Variants in ASXL1 observed in about 807,000 individuals in gnomAD.
ASXL1 encodes polycomb group protein ASXL1.
A neutral mutation model predicts 89.1 loss-of-function variants in ASXL1; 65 were observed. The ratio of observed to expected loss-of-function variants is 0.73; its 90% CI spans 0.60 to 0.90. The LOEUF is 0.90. Ranked by LOEUF, ASXL1 falls within the 40% of genes least tolerant of loss-of-function variation. The pLI is 0.00. For missense variants in ASXL1, 1,786 were observed against 1,942.9 expected (o/e 0.92, Z 1.52); for synonymous variants, 739 against 746.9 (o/e 0.99, Z 0.17).
chr20:32,375,067 G>A (rs980101650), intron 4 of ASXL1, among the ~76,000 whole-genome samples: 1 of 151,886 alleles, frequency 6.6e-6, no homozygotes, highest in African/African-American at 2.4e-5. Context: ...GGCTGGTCTC[G>A]AACTCCTGAC....
At chr20:32,397,501 GC>G (rs1462921977) in intron 4 of ASXL1, among the ~76,000 whole-genome samples, 2 of 147,308 alleles carry the variant, frequency 1.4e-5, no homozygotes, top group South Asian at 2.2e-4. Context: ...CCGGGTTCAA[GC>G]AGTTCTCCTG....
intron 1 of ASXL1, among the ~76,000 whole-genome samples, chr20:32,364,975 G>A (rs1040474726): frequency 5.9e-5 from 9 of 152,266 alleles, no homozygotes; most frequent in Middle Eastern, 3.4e-3. Context: ...TTGGGACTTG[G>A]CGGACAGATG....
chr20:32,395,496 T>A (rs569907951), intron 4 of ASXL1, among the ~76,000 whole-genome samples: 1 of 152,216 alleles, frequency 6.6e-6, no homozygotes, highest in African/African-American at 2.4e-5. Flanking sequence ...TGTTGTAGTT[T>A]GCGTCATATT....
chr20:32,411,737 C>T (rs2049052570), intron 4 of ASXL1, among the ~76,000 whole-genome samples: 2 of 151,752 alleles, frequency 1.3e-5, no homozygotes, highest in African/African-American at 4.8e-5. Context: ...GGGGTTTCAC[C>T]ATGTTGGCCA....
chr20:32,431,604 C>A lies in ASXL1; in HGVS notation c.904C>A (p.Arg302Ser), dbSNP rs1167333195. 1 of 1,614,080 alleles carries A rather than the reference C, an allele frequency of 6.2e-7. No individual in the cohort carries two copies. Among genetic ancestry groups the A allele is most frequent in the Non-Finnish European group, 8.5e-7 (1 of 1,180,024 alleles). The change falls in exon 10 of 13, where the codon CGT becomes AGT. Residue 302 changes from arginine (R) to serine (S), a missense_variant. Around this residue, in one of 3 missense-constraint regions of ASXL1, gnomAD observed 332 missense variants for 449.7 expected, o/e 0.74. Coordinates refer to ENST00000375687, the MANE Select transcript of ASXL1 (RefSeq NM_015338.6). ...CTAGGTGGGGACGGATGGCCTGTTG[C>A]GTCTCAGCAGCAGTGCACTAAATAA... The part of the protein sequence containing the change: ...DRQVGTDGLL[R>S]LSSSALNNEF...
Position 32,433,456 on chromosome 20 carries a change from G to A in ASXL1, c.1258G>A (p.Ala420Thr). The A allele has an allele frequency of 6.2e-7, 1 of 1,614,210 alleles. No homozygotes were observed. Among genetic ancestry groups the A allele is most frequent in the African/African-American group, 1.3e-5 (1 of 75,042 alleles). ...KRSRPDLRTRARRNLYKKQES... is the reference protein window; with the variant it reads ...KRSRPDLRTRTRRNLYKKQES... ...CTCTCGGCCAGATCTCCGAACCAGA[G>A]CCAGAAGGAATCTGTACAAAAAACA... Residue 420 changes from alanine to threonine, a missense_variant, in exon 12 of 13, where the codon GCC becomes ACC. By Grantham distance (58) the Ala-to-Thr change is moderately conservative. Around this residue, in one of 3 missense-constraint regions of ASXL1, gnomAD observed 1,418 missense variants for 1,427.8 expected, o/e 0.99. Coordinates refer to ENST00000375687, the MANE Select transcript of ASXL1 (RefSeq NM_015338.6).
Position 32,437,602 on chromosome 20 carries a change from C to A in ASXL1, c.*264C>A. 2.5e-6 allele frequency: 1 copy of A among 407,724 alleles called. No individual in the cohort carries two copies. Among genetic ancestry groups the A allele is most frequent in the South Asian group, 2.7e-5 (1 of 36,724 alleles). The allele number at this position is 407,724 out of a possible 1,614,324, so 25.3% of individuals were successfully genotyped here. Reference sequence around the variant, plus strand: ...CTGCAAGACAGAGCCTGATGTGGCACGGAGTGGGGTTGCGGGGGGTGGGGG... The same window carrying A: ...CTGCAAGACAGAGCCTGATGTGGCAAGGAGTGGGGTTGCGGGGGGTGGGGG... On this transcript the variant is annotated 3_prime_UTR_variant, in exon 13 of 13. Transcript: ENST00000375687.
intron 4 of ASXL1, among the ~76,000 whole-genome samples, chr20:32,379,005 G>A (rs903263874): frequency 1.3e-5 from 2 of 151,346 alleles, no homozygotes; most frequent in East Asian, 3.9e-4. Flanking sequence ...GGTGGTGAAC[G>A]CCTGTAGTCC....
At chr20:32,378,853 C>G (rs2048433725) in intron 4 of ASXL1, among the ~76,000 whole-genome samples, 1 of 151,870 alleles carries the variant, frequency 6.6e-6, no homozygotes, top group African/African-American at 2.4e-5. Context: ...ATAGGCCAGG[C>G]TCGGTGGCTC....
chr20:32,397,722 T>C lies in ASXL1; in HGVS notation c.252+28599T>C, dbSNP rs1488256652. Among the ~76,000 whole-genome samples, 4 of 151,436 alleles carry C rather than the reference T, an allele frequency of 2.6e-5. No individual in the cohort carries two copies. In the South Asian group the frequency reaches 6.2e-4, roughly 24 times the overall value. ...CCAATTGTGTTTTAAGAAAAGTTTA[T>C]GAATTAGTATTGGGCAGCATCGAAA... On this transcript the variant is annotated intron_variant, in intron 4 of 12. Coordinates refer to ENST00000375687, the MANE Select transcript of ASXL1 (RefSeq NM_015338.6).
intron 4 of ASXL1, among the ~76,000 whole-genome samples, chr20:32,372,836 G>A (rs1329342282): frequency 8.6e-5 from 13 of 151,362 alleles, no homozygotes; most frequent in African/African-American, 2.9e-4. Context: ...CTCGTGATCC[G>A]TCTGCCTCGG....
intron 4 of ASXL1, chr20:32,372,471 T>G: frequency 1.0e-6 from 1 of 968,104 alleles, no homozygotes. Flanking sequence ...GTAAACTCCT[T>G]GAGAGCAGAG....
chr20:32,388,428 A>C (rs1236099199), intron 4 of ASXL1, among the ~76,000 whole-genome samples: 1 of 152,166 alleles, frequency 6.6e-6, no homozygotes, highest in Non-Finnish European at 1.5e-5. Flanking sequence ...TGCCCGCCTC[A>C]GCCTCCCAAA....
At chr20:32,367,175 G>A (rs373988474) in intron 2 of ASXL1, among the ~76,000 whole-genome samples, 152 of 151,574 alleles carry the variant, frequency 1.0e-3, no homozygotes, top group Non-Finnish European at 1.8e-3. Flanking sequence ...TCAGGAGTTC[G>A]AGACCAGCCT....
At chr20:32,398,621 T>G (rs1240477975) in intron 4 of ASXL1, among the ~76,000 whole-genome samples, 3 of 145,180 alleles carry the variant, frequency 2.1e-5, no homozygotes, top group African/African-American at 5.1e-5. Context: ...TTTTGTTTTT[T>G]TTTTTTGAGA....
chr20:32,413,213 CAG>C (rs2049079986), intron 4 of ASXL1, among the ~76,000 whole-genome samples: 1 of 151,986 alleles, frequency 6.6e-6, no homozygotes, highest in South Asian at 2.1e-4. Context: ...ATAAATAAAA[CAG>C]ATGTGTATAT....
Position 32,436,969 on chromosome 20 carries a change from G to C in ASXL1, c.4257G>C (p.Lys1419Asn). The C allele has an allele frequency of 6.2e-7, 1 of 1,614,108 alleles. No individual in the cohort carries two copies. ...PFWKLPREPG[K>N]GLSEPLEPSS... Reference sequence around the variant, plus strand: ...GGAAATTACCCCGAGAGCCAGGGAAGGGGCTCAGTGAGCCTCTGGAGCCTT... The same window carrying C: ...GGAAATTACCCCGAGAGCCAGGGAACGGGCTCAGTGAGCCTCTGGAGCCTT... The change falls in exon 13 of 13, where the codon AAG becomes AAC. Residue 1419 changes from lysine to asparagine, a missense_variant. By Grantham distance (94) the Lys-to-Asn change is moderately conservative. Around this residue, in one of 3 missense-constraint regions of ASXL1, gnomAD observed 1,418 missense variants for 1,427.8 expected, o/e 0.99. Transcript: ENST00000375687.
chr20:32,375,016 T>G (rs555304734), intron 4 of ASXL1, among the ~76,000 whole-genome samples: 3 of 152,100 alleles, frequency 2.0e-5, no homozygotes, highest in Non-Finnish European at 4.4e-5. Context: ...GAGGCCAAGG[T>G]CGAGGGGACA....
intron 4 of ASXL1, among the ~76,000 whole-genome samples, chr20:32,389,256 A>G (rs535375661): frequency 6.6e-6 from 1 of 152,156 alleles, no homozygotes; most frequent in Admixed American, 6.5e-5. Context: ...TTTGCCTCTC[A>G]TTTCTGAGCT....
Sources: gnomAD v4.1 joint callset for allele counts (sites outside exome capture counted in the v4.1 genomes callset) on GRCh38, gnomAD v4.1.1 for gene constraint, gnomAD v4.1.1 regional missense constraint, MANE v1.5 for transcripts, NCBI Gene and HGNC (gene_info 2026-07-23, HGNC 2026-07-21) for gene names.